DYRK2: variants seen among roughly 807,000 people sequenced by gnomAD.
DYRK2 encodes dual specificity tyrosine-phosphorylation-regulated kinase 2.
A neutral mutation model predicts 41.6 loss-of-function variants in DYRK2; 12 were observed. The observed-to-expected ratio is 0.29, with a 90% CI of 0.18 to 0.47. The LOEUF is 0.47. Among genes scored for constraint, DYRK2 ranks in the 20% least tolerant of loss-of-function variants. DYRK2 has a pLI of 1.00. For synonymous variants in DYRK2, 322 were observed against 315.7 expected (o/e 1.02, Z -0.21); for missense variants, 678 against 798.4 (o/e 0.85, Z 1.82).
chr12:67,653,137 G>A (rs1204545595), intron 2 of DYRK2, among the ~76,000 whole-genome samples: 2 of 152,240 alleles, frequency 1.3e-5, no homozygotes, highest in African/African-American at 2.4e-5. Context: ...GCCTCAGTAT[G>A]TATTTTTAAA....
At position 67,658,358 on chromosome 12, in the gene DYRK2, G is replaced by T; in HGVS notation, c.1451G>T (p.Arg484Met). Residue 484 changes from arginine (R) to methionine (M), a missense_variant, in exon 3 of 3, where the codon AGG becomes ATG. This residue lies in a region of DYRK2 where 393 missense variants were observed against 519.1 expected (regional missense o/e 0.76). Transcript: ENST00000344096. The surrounding 1 kb of genome is among the most constrained non-coding windows in gnomAD (Gnocchi z 4.3). Reference protein sequence around the residue: ...SVVLNGGRSRRGKLRGPPESR... With the variant: ...SVVLNGGRSRMGKLRGPPESR... ...GTCCTAAACGGAGGCCGTTCCCGGA[G>T]GGGGAAACTGAGGGGCCCACCGGAG... is the stretch of plus-strand genomic sequence containing the variant. 6.2e-7 allele frequency: 1 copy of T among 1,611,196 alleles called. No homozygotes were observed. The highest frequency in any genetic ancestry group is 8.5e-7 in the Non-Finnish European group (1 of 1,178,494).
chr12:67,657,262 T>A lies in DYRK2; in HGVS notation c.355T>A (p.Leu119Met). Residue 119 changes from leucine (L) to methionine (M), a missense_variant, in exon 3 of 3, where the codon TTG (leucine) becomes ATG (methionine). By Grantham distance (15) the Leu-to-Met change is conservative (BLOSUM62 2). Transcript: ENST00000344096. This position sits in a 1 kb window ranked among gnomAD's most constrained non-coding sequence, Gnocchi z 4.8. ...NGLTTVGKTG[L>M]PVVPERQLDS... ...GCTTACAACAGTGGGCAAAACGGGC[T>A]TGCCAGTGGTGCCAGAGCGGCAGCT... 1 of 1,614,054 alleles carries A rather than the reference T, an allele frequency of 6.2e-7. No homozygotes were observed. Among genetic ancestry groups the A allele is most frequent in the Non-Finnish European group, 8.5e-7 (1 of 1,180,016 alleles).
intron 2 of DYRK2, 67 bp downstream of exon 2, chr12:67,650,012 A>T: frequency 7.9e-7 from 1 of 1,272,428 alleles, no homozygotes. Flanking sequence ...AAGCACCCGG[A>T]CTTGGAGGGG....
In DYRK2 at chr12:67,663,782, C is replaced by T. The variant is rs79073115; in HGVS notation, c.*5069C>T. On this transcript the variant is annotated 3_prime_UTR_variant, in exon 3 of 3. Coordinates refer to ENST00000344096, the MANE Select transcript of DYRK2 (RefSeq NM_006482.3). ...TTCCTTTTATCAGATCTTTCAAAAG[C>T]GCTTTTTAAAATTGATCAATGTGCA... The T allele has an allele frequency of 5.9e-5, 9 of 152,124 alleles. No homozygotes were observed. The highest frequency in any genetic ancestry group is 1.9e-4 in the African/African-American group (8 of 41,434). 9.4% of individuals were successfully genotyped at this position (152,124 alleles called of 1,614,324 possible).
chr12:67,660,280 G>A lies in DYRK2; in HGVS notation c.*1567G>A, dbSNP rs1477886339. On this transcript the variant is annotated 3_prime_UTR_variant, in exon 3 of 3. Transcript: ENST00000344096. The stretch of plus-strand genomic sequence containing the variant: ...GTATTACCTGTAAATTGATTTACAA[G>A]TACTTAAAAGCGTGGTCCCCAGTGA... 2 of 166,626 alleles carry A rather than the reference G, an allele frequency of 1.2e-5. No individual in the cohort carries two copies. Among genetic ancestry groups the A allele is most frequent in the African/African-American group, 4.8e-5 (2 of 41,294 alleles). The allele number at this position is 166,626 out of a possible 1,614,324, so 10.3% of individuals were successfully genotyped here. A position where few individuals can be genotyped will look rare whatever the true frequency, so the allele number is the denominator to read the frequency against.
Position 67,657,046 on chromosome 12 carries a change from T to C in DYRK2, c.199-60T>C. 6.7e-7 allele frequency: 1 copy of C among 1,501,128 alleles called. No individual in the cohort carries two copies. Among genetic ancestry groups the C allele is most frequent in the Non-Finnish European group, 8.9e-7 (1 of 1,122,312 alleles). 93.0% of individuals were successfully genotyped at this position (1,501,128 alleles called of 1,614,324 possible). On this transcript the variant is annotated intron_variant, in intron 2 of 2. Transcript: ENST00000344096. This position sits in a 1 kb window ranked among gnomAD's most constrained non-coding sequence, Gnocchi z 4.8. ...GGCGGTGGTGTTGTTGGGGGTTACT[T>C]ATACACCATTTGAACAGACACCACT...
At position 67,657,709 on chromosome 12, in the gene DYRK2, C is replaced by T. The variant is rs1403651059; in HGVS notation, c.802C>T (p.Arg268Ter). The T allele has an allele frequency of 6.2e-7, 1 of 1,614,072 alleles. No individual in the cohort carries two copies. Residue 268 changes from arginine to a stop codon, truncating the protein, a stop_gained, in exon 3 of 3, where the codon CGA (arginine) becomes TGA (stop). Transcript: ENST00000344096. LOFTEE classifies it high-confidence loss of function. The surrounding 1 kb of genome is among the most constrained non-coding windows in gnomAD (Gnocchi z 4.8). ...RFHRQAAEEI[R>*]ILEHLRKQDK... ...CCACCGGCAAGCAGCGGAGGAGATC[C>T]GAATCCTGGAACACCTGCGGAAGCA...
chr12:67,651,458 G>A (rs1029063299), intron 2 of DYRK2: 4 of 386,268 alleles, frequency 1.0e-5, no homozygotes, highest in Non-Finnish European at 2.0e-5. Flanking sequence ...TGAAATACAT[G>A]TAATGAAAGT....
At chr12:67,652,249 TGAGA>T (rs927837218) in intron 2 of DYRK2, among the ~76,000 whole-genome samples, 1 of 152,200 alleles carries the variant, frequency 6.6e-6, no homozygotes, top group East Asian at 1.9e-4. Context: ...TCTGTTTGTG[TGAGA>T]GAGAGAAGTG....
In DYRK2 at chr12:67,658,665, C is replaced by A; in HGVS notation, c.1758C>A (p.Ala586=). ...CTAATTTGGCGCAGATGACAGATGCCAATGGGAATATTCAGCAGAGGACAG... is the reference window on the plus strand; with the variant it reads ...CTAATTTGGCGCAGATGACAGATGCAAATGGGAATATTCAGCAGAGGACAG... ...LRTNLAQMTD[A]NGNIQQRTVL... is the part of the protein sequence containing the mutation. Residue 586 remains alanine, a synonymous_variant, in exon 3 of 3, where the codon GCC becomes GCA. Transcript: ENST00000344096. This position sits in a 1 kb window ranked among gnomAD's most constrained non-coding sequence, Gnocchi z 4.3. The A allele has an allele frequency of 6.2e-7, 1 of 1,613,634 alleles. No individual in the cohort carries two copies. Among genetic ancestry groups the A allele is most frequent in the Non-Finnish European group, 8.5e-7 (1 of 1,179,778 alleles).
rs1420273438 is a variant in DYRK2 at position 67,663,794 on chromosome 12, T to C, written c.*5081T>C. 1 of 152,158 alleles carries C rather than the reference T, an allele frequency of 6.6e-6. No homozygotes were observed. The highest frequency in any genetic ancestry group is 1.5e-5 in the Non-Finnish European group (1 of 68,000). The allele number at this position is 152,158 out of a possible 1,614,324, so 9.4% of individuals were successfully genotyped here. ...GATCTTTCAAAAGCGCTTTTTAAAA[T>C]TGATCAATGTGCAATTCTGTTTGAG... On this transcript the variant is annotated 3_prime_UTR_variant, in exon 3 of 3. Transcript: ENST00000344096.
At position 67,664,825 on chromosome 12, in the gene DYRK2, C is replaced by T. The variant is rs1872707171; in HGVS notation, c.*6112C>T. The T allele has an allele frequency of 1.3e-5, 2 of 152,206 alleles. No homozygotes were observed. Among genetic ancestry groups the T allele is most frequent in the South Asian group, 2.1e-4 (1 of 4,834 alleles). The allele number at this position is 152,206 out of a possible 1,614,324, so 9.4% of individuals were successfully genotyped here. A position where few individuals can be genotyped will look rare whatever the true frequency, so the allele number is the denominator to read the frequency against. ...CCTAATAACTTAATGCATGTGCACA[C>T]ACCCTCAGTTAATTTGTAAGAGAGT... On this transcript the variant is annotated 3_prime_UTR_variant, in exon 3 of 3. Coordinates refer to ENST00000344096, the MANE Select transcript of DYRK2 (RefSeq NM_006482.3).
In DYRK2 at chr12:67,657,614, T is replaced by C. The variant is rs756005590; in HGVS notation, c.707T>C (p.Val236Ala). Reference protein sequence around the residue: ...KVIGKGSFGQVVKAYDHKVHQ... With the variant: ...KVIGKGSFGQAVKAYDHKVHQ... The stretch of plus-strand genomic sequence containing the variant: ...ATTGGGAAGGGGAGCTTTGGGCAGG[T>C]GGTCAAGGCCTACGATCACAAAGTC... The change falls in exon 3 of 3, where the codon GTG becomes GCG. Residue 236 changes from valine (V) to alanine (A), a missense_variant. Physicochemically the swap from Val to Ala is moderately conservative, Grantham distance 64. Coordinates refer to ENST00000344096, the MANE Select transcript of DYRK2 (RefSeq NM_006482.3). The surrounding 1 kb of genome is among the most constrained non-coding windows in gnomAD (Gnocchi z 4.8). 5 of 1,613,820 alleles carry C rather than the reference T, an allele frequency of 3.1e-6. No individual in the cohort carries two copies. Among genetic ancestry groups the C allele is most frequent in the Non-Finnish European group, 4.2e-6 (5 of 1,180,000 alleles).
At chr12:67,650,015 T>C (rs1872268487) in intron 2 of DYRK2, 70 bp downstream of exon 2, 1 of 1,267,798 alleles carries the variant, frequency 7.9e-7, no homozygotes, top group Non-Finnish European at 9.9e-7. Context: ...CACCCGGACT[T>C]GGAGGGGTCT....
chr12:67,650,085 T>C, intron 2 of DYRK2, 140 bp downstream of exon 2: 1 of 946,224 alleles, frequency 1.1e-6, no homozygotes, highest in Non-Finnish European at 1.4e-6. Flanking sequence ...CGATGGTCTC[T>C]CGTCGACGCC....
chr12:67,649,578 TCG>T (rs1239714898), intron 1 of DYRK2: 1 of 506,184 alleles, frequency 2.0e-6, no homozygotes, highest in African/African-American at 2.0e-5. Context: ...GGTCGCGAAC[TCG>T]CGCGCCAGGG....
rs376046839 is a variant in DYRK2 at position 67,657,627 on chromosome 12, C to T, written c.720C>T (p.Tyr240=). Residue 240 remains tyrosine (Y), a synonymous_variant, in exon 3 of 3, where the codon TAC becomes TAT. Coordinates refer to ENST00000344096, the MANE Select transcript of DYRK2 (RefSeq NM_006482.3). The surrounding 1 kb of genome is among the most constrained non-coding windows in gnomAD (Gnocchi z 4.8). ...KGSFGQVVKA[Y]DHKVHQHVAL... is the part of the protein sequence containing the mutation. ...GCTTTGGGCAGGTGGTCAAGGCCTA[C>T]GATCACAAAGTCCACCAGCACGTGG... The T allele has an allele frequency of 2.0e-5, 33 of 1,613,762 alleles. No individual in the cohort carries two copies. The highest frequency in any genetic ancestry group is 6.7e-5 in the East Asian group (3 of 44,872).
chr12:67,650,634 G>A (rs907652644), intron 2 of DYRK2, among the ~76,000 whole-genome samples: 5 of 152,222 alleles, frequency 3.3e-5, no homozygotes, highest in Non-Finnish European at 5.9e-5. Flanking sequence ...CCTAACAGGT[G>A]CTGTGGTCTC....
At chr12:67,656,202 G>A (rs1174241942) in intron 2 of DYRK2, among the ~76,000 whole-genome samples, 1 of 152,220 alleles carries the variant, frequency 6.6e-6, no homozygotes, top group Non-Finnish European at 1.5e-5. Context: ...TCAGTAGAGG[G>A]CTGGGGTCCC....
Sources: gnomAD v4.1 joint callset for allele counts (sites outside exome capture counted in the v4.1 genomes callset) on GRCh38, gnomAD v4.1.1 for gene constraint, gnomAD v4.1.1 regional missense constraint, Gnocchi (gnomAD v3.1) non-coding constraint, MANE v1.5 for transcripts, NCBI Gene and HGNC (gene_info 2026-07-23, HGNC 2026-07-21) for gene names.